Variants in TMEM237 observed in about 807,000 individuals in gnomAD.
TMEM237 encodes transmembrane protein 237.
Under a neutral mutation model 59.1 loss-of-function variants are expected in TMEM237, and 51 were observed. The observed-to-expected ratio is 0.86, with a 90% CI of 0.69 to 1.09. The LOEUF is 1.09. TMEM237 is among the 50% of genes least tolerant of loss of function. The pLI, the probability that TMEM237 is intolerant of heterozygous loss-of-function variation, is 0.00. For synonymous variants in TMEM237, 140 were observed against 166.1 expected (o/e 0.84, Z 1.21); for missense variants, 475 against 478.3 (o/e 0.99, Z 0.06).
At chr2:201,628,667 G>A (rs964462304) in intron 9 of TMEM237, among the ~76,000 whole-genome samples, 7 of 152,140 alleles carry the variant, frequency 4.6e-5, no homozygotes, top group African/African-American at 1.7e-4. Flanking sequence ...AGATACACAG[G>A]GGGAAAGTGC....
intron 3 of TMEM237, among the ~76,000 whole-genome samples, chr2:201,639,691 G>A (rs1009976968): frequency 1.3e-5 from 2 of 152,172 alleles, no homozygotes; most frequent in African/African-American, 2.4e-5. Flanking sequence ...AACTACTCAG[G>A]AGGCTGAGGC....
In TMEM237 at chr2:201,640,878, G is replaced by A. The variant is rs375401635; in HGVS notation, c.74+15C>T. 18 of 1,572,272 alleles carry A rather than the reference G, an allele frequency of 1.1e-5. No individual in the cohort carries two copies. The African/African-American group carries it at 1.8e-4, about 15-fold the overall frequency. ...TTTAAAGCTCAATAATGAAATTACTGTAAATTATTTTTACCTTGGCACAGG... is the reference window on the plus strand; with the variant it reads ...TTTAAAGCTCAATAATGAAATTACTATAAATTATTTTTACCTTGGCACAGG... On this transcript the variant is annotated intron_variant, in intron 2 of 12. Coordinates refer to ENST00000409883, the MANE Select transcript of TMEM237 (RefSeq NM_001044385.3).
At position 201,627,430 on chromosome 2, in the gene TMEM237, A is replaced by G. The variant is rs369720243; in HGVS notation, c.944-16T>C. On this transcript the variant is annotated splice_polypyrimidine_tract_variant and intron_variant, in intron 10 of 12. Transcript: ENST00000409883. ...GTAAAGTACACTGAGAAAAAGACAA[A>G]TGAAATTACTAATAATTTTTAACAA... 4.7e-5 allele frequency: 70 copies of G among 1,494,678 alleles called. No individual in the cohort carries two copies. The African/African-American group carries it at 7.6e-4, about 16-fold the overall frequency. The allele number at this position is 1,494,678 out of a possible 1,614,324, so 92.6% of individuals were successfully genotyped here. A position where few individuals can be genotyped will look rare whatever the true frequency, so the allele number is the denominator to read the frequency against.
At chr2:201,624,501 G>A (rs1397076669) in intron 12 of TMEM237, among the ~76,000 whole-genome samples, 179 bp from the exon 13 acceptor site, 1 of 152,106 alleles carries the variant, frequency 6.6e-6, no homozygotes, top group Non-Finnish European at 1.5e-5. Context: ...GATAACAAAT[G>A]TACAAGTTTT....
intron 1 of TMEM237, 52 bp from the exon 2 acceptor site, chr2:201,640,976 ACTTCAAATACCAT>A (rs1687401526): frequency 6.6e-7 from 1 of 1,526,046 alleles, no homozygotes; most frequent in Admixed American, 1.9e-5. Context: ...GAGCATCTTT[ACTTCAAATACCAT>A]CACGCTATTT....
Position 201,623,288 on chromosome 2 carries a change from G to T in TMEM237, c.*967C>A. ...CCATAGCTAGTCTTCTCCTCAACTT[G>T]AGCTTTAGGGTCTCATATACAACAG... is the stretch of plus-strand genomic sequence containing the variant. On this transcript the variant is annotated 3_prime_UTR_variant, in exon 13 of 13. Transcript: ENST00000409883. 2.5e-6 allele frequency: 1 copy of T among 402,180 alleles called. No homozygotes were observed. Among genetic ancestry groups the T allele is most frequent in the South Asian group, 1.9e-5 (1 of 52,050 alleles). The allele number at this position is 402,180 out of a possible 1,614,324, so 24.9% of individuals were successfully genotyped here. A position where few individuals can be genotyped will look rare whatever the true frequency, so the allele number is the denominator to read the frequency against.
At chr2:201,642,745 C>G (rs1457247050) in intron 1 of TMEM237, 1 of 1,480,402 alleles carries the variant, frequency 6.8e-7, no homozygotes, top group Non-Finnish European at 8.9e-7. Context: ...TGGCTAGTAC[C>G]CCGCGCGCAG....
At chr2:201,632,304 G>A in intron 6 of TMEM237, 96 bp from the exon 7 acceptor site, 1 of 1,328,232 alleles carries the variant, frequency 7.5e-7, no homozygotes, top group Non-Finnish European at 1.0e-6. Context: ...AAAGGGCCCT[G>A]GACTTGGAGT....
chr2:201,636,356 G>C (rs1331463247), intron 5 of TMEM237: 1 of 157,098 alleles, frequency 6.4e-6, no homozygotes, highest in African/African-American at 2.4e-5. Flanking sequence ...TATTTACCTT[G>C]TGAACTGCCT....
intron 3 of TMEM237, among the ~76,000 whole-genome samples, chr2:201,639,882 A>G (rs1467819961): frequency 6.6e-6 from 1 of 152,104 alleles, no homozygotes; most frequent in Non-Finnish European, 1.5e-5. Context: ...TTTTTGCCAT[A>G]GCAGACTTTG....
intron 3 of TMEM237, among the ~76,000 whole-genome samples, chr2:201,639,616 C>G (rs1687372346): frequency 6.6e-6 from 1 of 152,106 alleles, no homozygotes; most frequent in Non-Finnish European, 1.5e-5. Context: ...GCCAACATGG[C>G]AAAACCCTGT....
chr2:201,638,952 A>C (rs1208467588), intron 4 of TMEM237, 37 bp downstream of exon 4: 17 of 1,555,184 alleles, frequency 1.1e-5, no homozygotes, highest in Admixed American at 2.0e-5. Flanking sequence ...GTCCTGGGAA[A>C]ACTTGTGATC....
At chr2:201,626,362 A>G (rs1253335527) in intron 11 of TMEM237, 2 of 373,910 alleles carry the variant, frequency 5.3e-6, no homozygotes, top group Non-Finnish European at 9.4e-6. Context: ...GATCTGCTGT[A>G]TACATTCATA....
rs1450013677 is a variant in TMEM237, at chr2:201,629,386, C to G, written c.713G>C (p.Gly238Ala). ...CACAACAATATTCCACACAGCACAG[C>G]CAGCCAAGAATCCATGAGAAAAGAG... The part of the protein sequence containing the change: ...IGLFSHGFLA[G>A]CAVWNIVVIY... Residue 238 changes from glycine (G) to alanine (A), a missense_variant, in exon 9 of 13, where the codon GGC becomes GCC. Transcript: ENST00000409883. 11 of 1,589,064 alleles carry G rather than the reference C, an allele frequency of 6.9e-6. No individual in the cohort carries two copies. In the East Asian group the frequency reaches 2.5e-4, roughly 36 times the overall value.
In TMEM237 at chr2:201,622,210, C is replaced by T. The variant is rs1957714416; in HGVS notation, c.*2045G>A. Reference sequence around the variant, plus strand: ...ATATTATCAATGTAGCCAGCTTTCCCAAGTGCATTCCACAGCAGCTCTAGC... The same window carrying T: ...ATATTATCAATGTAGCCAGCTTTCCTAAGTGCATTCCACAGCAGCTCTAGC... On this transcript the variant is annotated 3_prime_UTR_variant, in exon 13 of 13. Transcript: ENST00000409883. 6.6e-6 allele frequency: 1 copy of T among 152,234 alleles called. No individual in the cohort carries two copies. Among genetic ancestry groups the T allele is most frequent in the Non-Finnish European group, 1.5e-5 (1 of 68,062 alleles). 9.4% of individuals were successfully genotyped at this position (152,234 alleles called of 1,614,324 possible).
Position 201,621,149 on chromosome 2 carries a change from C to G in TMEM237, c.*3106G>C, listed in dbSNP as rs2105894777. 6.6e-6 allele frequency: 1 copy of G among 152,200 alleles called. No individual in the cohort carries two copies. Among genetic ancestry groups the G allele is most frequent in the East Asian group, 1.9e-4 (1 of 5,188 alleles). 9.4% of individuals were successfully genotyped at this position (152,200 alleles called of 1,614,324 possible). On this transcript the variant is annotated 3_prime_UTR_variant, in exon 13 of 13. Transcript: ENST00000409883. Reference sequence around the variant, plus strand: ...ATTTTTTTAAAAAATCTAATCAAACCACCAGACCTAACCTCCAGTCTATAG... The same window carrying G: ...ATTTTTTTAAAAAATCTAATCAAACGACCAGACCTAACCTCCAGTCTATAG...
rs1488249909 is a variant in TMEM237, at chr2:201,636,867, C to T, written c.155G>A (p.Gly52Asp). 4 of 1,604,912 alleles carry T rather than the reference C, an allele frequency of 2.5e-6. No homozygotes were observed. The East Asian group carries it at 8.9e-5, about 36-fold the overall frequency. ...CCTTCGACCAGCAGTCTGAGCAAGG[C>T]CTTCCAAAGAAGCACTTGCTATAGA... Reference protein sequence around the residue: ...KNTPASASLEGLAQTAGRRPS... With the variant: ...KNTPASASLEDLAQTAGRRPS... The change falls in exon 5 of 13, where the codon GGC (glycine) becomes GAC (aspartate). Residue 52 changes from glycine (G) to aspartate (D), a missense_variant. Transcript: ENST00000409883.
chr2:201,642,882 T>C lies in TMEM237; in HGVS notation c.42+477A>G, dbSNP rs935045244. ...CCCAGGAGCAGAAATCTGGCGACCG[T>C]GGCGCTGCAATCACAGCTTTCCCGT... On this transcript the variant is annotated intron_variant, in intron 1 of 12. Coordinates refer to ENST00000409883, the MANE Select transcript of TMEM237 (RefSeq NM_001044385.3). The C allele has an allele frequency of 8.5e-5, 114 of 1,337,440 alleles. 1 individual carries two copies. In the East Asian group the frequency reaches 3.4e-3, roughly 40 times the overall value. The allele number at this position is 1,337,440 out of a possible 1,614,324, so 82.8% of individuals were successfully genotyped here. A position where few individuals can be genotyped will look rare whatever the true frequency, so the allele number is the denominator to read the frequency against.
chr2:201,620,469 AATG>A lies in TMEM237; in HGVS notation c.*3783_*3785del, dbSNP rs779673601. The A allele has an allele frequency of 1.3e-5, 2 of 152,216 alleles. No individual in the cohort carries two copies. Among genetic ancestry groups the A allele is most frequent in the Non-Finnish European group, 2.9e-5 (2 of 68,048 alleles). The allele number at this position is 152,216 out of a possible 1,614,324, so 9.4% of individuals were successfully genotyped here. ...CAGAGAGGGAGACTCTCTGAAAGAA[AATG>A]ATGTTTATTCAGGAGTAGGCATTGC... is the stretch of plus-strand genomic sequence containing the variant. On this transcript the variant is annotated 3_prime_UTR_variant, in exon 13 of 13. Transcript: ENST00000409883.
Sources: gnomAD v4.1 joint callset for allele counts (sites outside exome capture counted in the v4.1 genomes callset) on GRCh38, gnomAD v4.1.1 for gene constraint, MANE v1.5 for transcripts, NCBI Gene and HGNC (gene_info 2026-07-23, HGNC 2026-07-21) for gene names.